NPTN: variants seen among roughly 807,000 people sequenced by gnomAD.
NPTN encodes neuroplastin, also known as SDR-1.
A neutral mutation model predicts 42.7 loss-of-function variants in NPTN; 5 were observed. The observed-to-expected ratio is 0.12, with a 90% CI of 0.06 to 0.25. The LOEUF is 0.25. Ranked by LOEUF, NPTN falls within the 10% of genes least tolerant of loss-of-function variation. NPTN has a pLI of 1.00. For synonymous variants in NPTN, 180 were observed against 201.9 expected, an observed-to-expected ratio of 0.89 and a Z score of 0.92; for missense variants, 307 against 525.4, an observed-to-expected ratio of 0.58 and a Z score of 4.06.
chr15:73,609,991 A>G (rs1595952548), intron 1 of NPTN, among the ~76,000 whole-genome samples: 2 of 152,200 alleles, frequency 1.3e-5, no homozygotes, highest in South Asian at 4.1e-4. Flanking sequence ...ATAAAACACT[A>G]CAACTTATTC....
At chr15:73,576,741 G>A (rs190718834) in intron 4 of NPTN, among the ~76,000 whole-genome samples, 15 of 152,286 alleles carry the variant, frequency 9.8e-5, no homozygotes, top group African/African-American at 1.2e-4. Context: ...GGCTGGGCTC[G>A]ACTTTTTAAC....
Position 73,633,321 on chromosome 15 carries a change from G to A in NPTN, c.-106C>T. On this transcript the variant is annotated 5_prime_UTR_variant, in exon 1 of 9. Transcript: ENST00000345330. ...CGGGCGAGTGCGCGAGGGAGTGAGC[G>A]AGGGAGGCAGCCGCGGCTCGGCTCC... 1.2e-6 allele frequency: 1 copy of A among 831,860 alleles called. No individual in the cohort carries two copies. Among genetic ancestry groups the A allele is most frequent in the South Asian group, 2.3e-5 (1 of 42,608 alleles). 51.5% of individuals were successfully genotyped at this position (831,860 alleles called of 1,614,324 possible).
chr15:73,573,941 G>C, intron 4 of NPTN, 146 bp from the exon 5 acceptor site: 1 of 1,065,734 alleles, frequency 9.4e-7, no homozygotes, highest in East Asian at 3.0e-5. Context: ...GAGCATTTCA[G>C]GTCAGAATAG....
rs1896895887 is a variant in NPTN, at chr15:73,597,795, T to C, written c.92-426A>G. On this transcript the variant is annotated intron_variant, in intron 1 of 8. Coordinates refer to ENST00000345330, the MANE Select transcript of NPTN (RefSeq NM_012428.4). The surrounding 1 kb of genome is among the most constrained non-coding windows in gnomAD (Gnocchi z 6.3). ...AACCAGAAGAGGCAGTAGTTTTATA[T>C]GCCAAATCAGGATCTCTCTTTTGGA... Among the ~76,000 whole-genome samples, 1 of 152,200 alleles carries C rather than the reference T, an allele frequency of 6.6e-6. No homozygotes were observed. Among genetic ancestry groups the C allele is most frequent in the Admixed American group, 6.5e-5 (1 of 15,280 alleles).
chr15:73,600,757 A>G (rs1208016690), intron 1 of NPTN, among the ~76,000 whole-genome samples: 1 of 152,244 alleles, frequency 6.6e-6, no homozygotes, highest in African/African-American at 2.4e-5. Context: ...ATTGTGCAAC[A>G]TACTATGATC....
chr15:73,568,963 A>G (rs966016811), intron 6 of NPTN: 31 of 985,406 alleles, frequency 3.1e-5, no homozygotes, highest in Middle Eastern at 1.0e-3. Context: ...CTGGGGCCAC[A>G]TTCTTTCTGA....
intron 2 of NPTN, among the ~76,000 whole-genome samples, chr15:73,593,804 A>G (rs1896707386): frequency 6.6e-6 from 1 of 152,244 alleles, no homozygotes; most frequent in South Asian, 2.1e-4. Flanking sequence ...GGTCCTTATC[A>G]GTAACATCAA....
chr15:73,606,169 C>T (rs1384260476), intron 1 of NPTN, among the ~76,000 whole-genome samples: 1 of 152,118 alleles, frequency 6.6e-6, no homozygotes, highest in Non-Finnish European at 1.5e-5. Flanking sequence ...TCTCCTTCAC[C>T]CCAGGGAGGA....
chr15:73,566,907 G>C, intron 6 of NPTN: 2 of 512,414 alleles, frequency 3.9e-6, no homozygotes, highest in Middle Eastern at 1.1e-3. Flanking sequence ...GATCCTCAAA[G>C]AGACCATACA....
intron 1 of NPTN, among the ~76,000 whole-genome samples, chr15:73,621,062 G>A (rs185218552): frequency 6.9e-4 from 105 of 152,032 alleles, no homozygotes; most frequent in African/African-American, 2.5e-3. Context: ...ATAGTAAAAG[G>A]GAGCTACAAA....
chr15:73,589,272 C>T (rs901512370), intron 3 of NPTN, among the ~76,000 whole-genome samples: 3 of 151,826 alleles, frequency 2.0e-5, no homozygotes, highest in Admixed American at 2.0e-4. Context: ...GTCAAGGCTG[C>T]AGTGAGCCAT....
intron 6 of NPTN, chr15:73,568,405 G>GT (rs1895162991): frequency 1.0e-6 from 1 of 985,252 alleles, no homozygotes; most frequent in Non-Finnish European, 1.2e-6. Flanking sequence ...GAGGAAGGTG[G>GT]TATTGGCAAA....
At chr15:73,608,412 G>A (rs557781386) in intron 1 of NPTN, among the ~76,000 whole-genome samples, 4 of 152,270 alleles carry the variant, frequency 2.6e-5, no homozygotes, top group South Asian at 4.1e-4. Context: ...TGTCAGTTGC[G>A]GGGAGAGATG....
At position 73,569,840 on chromosome 15, in the gene NPTN, A is replaced by T. The variant is rs1471813052; in HGVS notation, c.1114+310T>A. The T allele has an allele frequency of 1.0e-6, 1 of 984,172 alleles. No individual in the cohort carries two copies. The highest frequency in any genetic ancestry group is 1.2e-6 in the Non-Finnish European group (1 of 828,910). 61.0% of individuals were successfully genotyped at this position (984,172 alleles called of 1,614,324 possible). Reference sequence around the variant, plus strand: ...AAGGAGGACAGAGCTGAACAAAGAGACTGACAGCTGCCCATTCACCACATG... The same window carrying T: ...AAGGAGGACAGAGCTGAACAAAGAGTCTGACAGCTGCCCATTCACCACATG... On this transcript the variant is annotated intron_variant, in intron 6 of 8. Coordinates refer to ENST00000345330, the MANE Select transcript of NPTN (RefSeq NM_012428.4). This position sits in a 1 kb window ranked among gnomAD's most constrained non-coding sequence, Gnocchi z 4.1.
intron 1 of NPTN, among the ~76,000 whole-genome samples, chr15:73,609,497 G>C (rs1253983526): frequency 1.3e-5 from 2 of 152,156 alleles, no homozygotes; most frequent in African/African-American, 2.4e-5. Context: ...TGGGCGTGGT[G>C]GTGGGGGCCT....
chr15:73,561,160 G>A (rs1894637740), intron 8 of NPTN, 112 bp from the exon 9 acceptor site: 1 of 152,280 alleles, frequency 6.6e-6, no homozygotes, highest in South Asian at 2.1e-4. Context: ...GGGATGTGGT[G>A]TGAAATTCTG....
chr15:73,564,340 C>T (rs1894855965), intron 6 of NPTN, among the ~76,000 whole-genome samples: 1 of 152,272 alleles, frequency 6.6e-6, no homozygotes, highest in Middle Eastern at 3.4e-3. Flanking sequence ...ATGGAGATTA[C>T]AGTCTCAGTG....
intron 1 of NPTN, among the ~76,000 whole-genome samples, chr15:73,607,021 A>C (rs902007136): frequency 6.6e-6 from 1 of 152,142 alleles, no homozygotes; most frequent in Non-Finnish European, 1.5e-5. Context: ...GAGAATGTTT[A>C]GGTTGGCTTA....
In NPTN at chr15:73,569,293, A is replaced by T; in HGVS notation, c.1114+857T>A. 1.0e-6 allele frequency: 1 copy of T among 985,618 alleles called. No homozygotes were observed. Among genetic ancestry groups the T allele is most frequent in the Non-Finnish European group, 1.2e-6 (1 of 830,062 alleles). 61.1% of individuals were successfully genotyped at this position (985,618 alleles called of 1,614,324 possible). On this transcript the variant is annotated intron_variant, in intron 6 of 8. Coordinates refer to ENST00000345330, the MANE Select transcript of NPTN (RefSeq NM_012428.4). The surrounding 1 kb of genome is among the most constrained non-coding windows in gnomAD (Gnocchi z 4.1). The stretch of plus-strand genomic sequence containing the variant: ...CATCAGCAGCTTCCCCCTTCACAGG[A>T]AAAATCGATCACCAAAAATTTCCCA...
Sources: gnomAD v4.1 joint callset for allele counts (sites outside exome capture counted in the v4.1 genomes callset) on GRCh38, gnomAD v4.1.1 for gene constraint, Gnocchi (gnomAD v3.1) non-coding constraint, MANE v1.5 for transcripts, NCBI Gene and HGNC (gene_info 2026-07-23, HGNC 2026-07-21) for gene names.